The following LMBR1 variants were observed in gnomAD, a reference collection of about 807,000 sequenced individuals.
LMBR1 encodes the protein limb development membrane protein 1.
Under a neutral mutation model 73.9 loss-of-function variants are expected in LMBR1, and 52 were observed. The observed-to-expected ratio is 0.70, with a 90% confidence interval of 0.56 to 0.89. LMBR1 has a LOEUF of 0.89. Ranked by LOEUF, LMBR1 falls within the 40% of genes least tolerant of loss-of-function variation. The pLI is 0.00. For synonymous variants in LMBR1, 215 were observed against 209.4 expected, an observed-to-expected ratio of 1.03 and a Z score of -0.23; for missense variants, 539 against 579.8, an observed-to-expected ratio of 0.93 and a Z score of 0.72.
chr7:156,743,352 C>G (rs148783542), intron 9 of LMBR1, among the ~76,000 whole-genome samples: 251 of 152,284 alleles, frequency 1.6e-3, no homozygotes, highest in Admixed American at 3.1e-3. Flanking sequence ...AACTTCTCAT[C>G]TTTTTAGGTT....
At chr7:156,723,985 G>A (rs532166225) in intron 15 of LMBR1, 127 bp downstream of exon 15, 2 of 657,364 alleles carry the variant, frequency 3.0e-6, no homozygotes, top group East Asian at 2.8e-5. Context: ...AAGTAAAAGT[G>A]TAAAATAATG....
chr7:156,866,593 T>C (rs74476775), intron 1 of LMBR1, among the ~76,000 whole-genome samples: 2,401 of 149,514 alleles, frequency 0.016, 62 homozygotes, highest in African/African-American at 0.055. Flanking sequence ...TTCTTATGAG[T>C]TTTTTCTGGG....
At chr7:156,753,907 T>G (rs1821368254) in intron 9 of LMBR1, among the ~76,000 whole-genome samples, 1 of 152,140 alleles carries the variant, frequency 6.6e-6, no homozygotes, top group Admixed American at 6.6e-5. Context: ...CTCCTTCCTC[T>G]CTATTCCTTT....
At chr7:156,869,914 G>A (rs1483323567) in intron 1 of LMBR1, among the ~76,000 whole-genome samples, 1 of 151,936 alleles carries the variant, frequency 6.6e-6, no homozygotes, top group Non-Finnish European at 1.5e-5. Flanking sequence ...TTATAAAAAA[G>A]GACAAGTTTT....
chr7:156,881,771 T>A, intron 1 of LMBR1, among the ~76,000 whole-genome samples: 1 of 148,924 alleles, frequency 6.7e-6, no homozygotes, highest in Non-Finnish European at 1.5e-5. Context: ...AAAACCACAA[T>A]GAGATATCAC....
intron 5 of LMBR1, among the ~76,000 whole-genome samples, chr7:156,783,380 T>C (rs1827494113): frequency 6.6e-6 from 1 of 152,044 alleles, no homozygotes; most frequent in South Asian, 2.1e-4. Context: ...GGCCTCGCTA[T>C]GTTGCCCAGG....
intron 2 of LMBR1, 70 bp from the exon 3 acceptor site, chr7:156,833,862 T>C: frequency 1.0e-6 from 1 of 1,000,592 alleles, no homozygotes. Context: ...TTATTAAAAC[T>C]ATAAACACAA....
chr7:156,808,162 A>AT (rs1264090119), intron 4 of LMBR1, among the ~76,000 whole-genome samples: 2 of 151,900 alleles, frequency 1.3e-5, no homozygotes, highest in East Asian at 1.9e-4. Flanking sequence ...CTATATCGTG[A>AT]TTTTTTCTTC....
At chr7:156,743,178 T>G (rs1030693098) in intron 9 of LMBR1, among the ~76,000 whole-genome samples, 4 of 152,150 alleles carry the variant, frequency 2.6e-5, no homozygotes, top group African/African-American at 9.7e-5. Flanking sequence ...CGTCTGGTGG[T>G]GCCACTTTTT....
chr7:156,773,443 T>C (rs1825570091), intron 5 of LMBR1, among the ~76,000 whole-genome samples: 2 of 152,088 alleles, frequency 1.3e-5, no homozygotes, highest in African/African-American at 2.4e-5. Context: ...CTTCAAACTA[T>C]ACTACAAGGC....
chr7:156,827,457 G>A (rs1449693410), intron 3 of LMBR1, among the ~76,000 whole-genome samples: 2 of 151,882 alleles, frequency 1.3e-5, no homozygotes, highest in East Asian at 3.9e-4. Flanking sequence ...TTATACAGAG[G>A]TACAAAAAAA....
chr7:156,838,764 T>G (rs1348818985), intron 1 of LMBR1, among the ~76,000 whole-genome samples: 1 of 152,160 alleles, frequency 6.6e-6, no homozygotes, highest in African/African-American at 2.4e-5. Flanking sequence ...ATATGGCAGC[T>G]CTATTTTTAA....
chr7:156,740,500 G>C (rs1318631301), intron 9 of LMBR1, among the ~76,000 whole-genome samples: 1 of 152,152 alleles, frequency 6.6e-6, no homozygotes, highest in Non-Finnish European at 1.5e-5. Flanking sequence ...AGCAGCAAGA[G>C]AAAAGAAACA....
At chr7:156,711,049 G>A (rs1041157412) in intron 15 of LMBR1, among the ~76,000 whole-genome samples, 2 of 152,192 alleles carry the variant, frequency 1.3e-5, no homozygotes, top group African/African-American at 2.4e-5. Flanking sequence ...AGTGGCTCAC[G>A]CCTGTAATCT....
downstream of LMBR1, chr7:156,676,440 G>T (rs771521330): frequency 6.2e-7 from 1 of 1,614,046 alleles, no homozygotes. Flanking sequence ...GGAGACCCAC[G>T]AGTGCTCCAT....
intron 5 of LMBR1, among the ~76,000 whole-genome samples, chr7:156,774,387 G>A (rs1825750700): frequency 1.3e-5 from 2 of 152,138 alleles, no homozygotes; most frequent in Non-Finnish European, 2.9e-5. Context: ...GAATATAAAT[G>A]ATTCTAACAT....
At chr7:156,763,561 T>C (rs918244664) in intron 6 of LMBR1, 108 bp downstream of exon 6, 95 of 900,390 alleles carry the variant, frequency 1.1e-4, no homozygotes, top group South Asian at 9.5e-4. Context: ...ACATCAAACA[T>C]CTTTGTTAAC....
Position 156,796,389 on chromosome 7 carries a change from CT to C in LMBR1, c.422del (p.Lys141ArgfsTer8). The C allele has an allele frequency of 6.3e-7, 1 of 1,589,962 alleles. No homozygotes were observed. The highest frequency in any genetic ancestry group is 8.6e-7 in the Non-Finnish European group (1 of 1,168,092). ...LESEGFAGLK[K>X]GIRARILETL... ...TAATTCCAATACTAGATTCACTTAC[CT>C]TTTTCAGGCCAGCAAAGCCTTCTGA... is the stretch of plus-strand genomic sequence containing the variant. On this transcript the variant is annotated frameshift_variant and splice_region_variant, in exon 5 of 17. Coordinates refer to ENST00000353442, the MANE Select transcript of LMBR1 (RefSeq NM_022458.4). LOFTEE classifies it high-confidence loss of function.
intron 15 of LMBR1, among the ~76,000 whole-genome samples, chr7:156,711,653 A>G (rs1812104423): frequency 6.6e-6 from 1 of 152,182 alleles, no homozygotes; most frequent in South Asian, 2.1e-4. Context: ...ATAAAAACAG[A>G]CACAGATCAA....
Sources: allele counts gnomAD v4.1 joint callset (sites outside exome capture counted in the v4.1 genomes callset), GRCh38; gene constraint gnomAD v4.1.1; transcripts MANE v1.5; gene names NCBI Gene and HGNC (gene_info 2026-07-23, HGNC 2026-07-21).